DENND5B: variants seen among roughly 807,000 people sequenced by gnomAD.
The protein encoded by DENND5B is DENN domain-containing protein 5B.
A neutral mutation model predicts 140.6 loss-of-function variants in DENND5B; 34 were observed. The observed-to-expected ratio is 0.24, with a 90% CI of 0.18 to 0.32. DENND5B has a LOEUF of 0.32. Among genes scored for constraint, DENND5B ranks in the 10% least tolerant of loss-of-function variants. DENND5B has a pLI of 1.00. For synonymous variants in DENND5B, 551 were observed against 562.1 expected (o/e 0.98, Z 0.28); for missense variants, 1,142 against 1,560.2 (o/e 0.73, Z 4.52).
chr12:31,555,082 T>C (rs886368646), intron 1 of DENND5B, among the ~76,000 whole-genome samples: 2 of 152,254 alleles, frequency 1.3e-5, no homozygotes, highest in African/African-American at 4.8e-5. Context: ...TGTCCAGCTT[T>C]GTTCCGTTGC....
intron 3 of DENND5B, among the ~76,000 whole-genome samples, chr12:31,463,348 G>A (rs1269414918): frequency 1.3e-5 from 2 of 152,122 alleles, no homozygotes; most frequent in African/African-American, 4.8e-5. Context: ...TACAGTTATA[G>A]ACTATGAAGA....
intron 1 of DENND5B, chr12:31,590,070 A>C (rs1008728891): frequency 1.3e-5 from 2 of 152,298 alleles, no homozygotes; most frequent in Non-Finnish European, 2.9e-5. Flanking sequence ...CGAGCGTCCA[A>C]AGGTCCCTGC....
intron 7 of DENND5B, among the ~76,000 whole-genome samples, chr12:31,438,355 A>G (rs1943872191): frequency 1.3e-5 from 2 of 152,190 alleles, no homozygotes; most frequent in African/African-American, 4.8e-5. Context: ...ATCCTCATGA[A>G]ATGTATTCAT....
At chr12:31,409,172 G>T in intron 14 of DENND5B, 91 bp downstream of exon 14, 1 of 1,329,006 alleles carries the variant, frequency 7.5e-7, no homozygotes, top group Non-Finnish European at 1.0e-6. Flanking sequence ...AATGTCACAT[G>T]TACTATGGCA....
intron 19 of DENND5B, among the ~76,000 whole-genome samples, chr12:31,389,999 A>G (rs972368047): frequency 1.3e-5 from 2 of 152,064 alleles, no homozygotes; most frequent in Non-Finnish European, 2.9e-5. Context: ...GCATTCCAGA[A>G]GAAAAAAAAA....
chr12:31,561,005 ATC>A (rs1307224528), intron 1 of DENND5B, among the ~76,000 whole-genome samples: 2 of 152,166 alleles, frequency 1.3e-5, no homozygotes, highest in African/African-American at 2.4e-5. Context: ...AAGTACTAAG[ATC>A]AGAGGGAGTA....
At chr12:31,538,145 C>A (rs2126897) in intron 1 of DENND5B, among the ~76,000 whole-genome samples, 20,430 of 152,124 alleles carry the variant, frequency 0.13, 1,619 homozygotes, top group Non-Finnish European at 0.18. Context: ...ACCAAATGGA[C>A]CTAATCAGAC....
intron 7 of DENND5B, among the ~76,000 whole-genome samples, chr12:31,440,889 C>T (rs182210988): frequency 6.6e-6 from 1 of 152,326 alleles, no homozygotes; most frequent in African/African-American, 2.4e-5. Context: ...GCATGCACCA[C>T]CACACCCAGC....
rs188529154 is a variant in DENND5B at position 31,575,003 on chromosome 12, C to T, written c.127+15703G>A. On this transcript the variant is annotated intron_variant, in intron 1 of 20. Transcript: ENST00000389082. ...AAATCACAGTCATTGTTCTGGTGAA[C>T]AATGGCACAAAACAAGTTAAGTCCA... Among the ~76,000 whole-genome samples the T allele has an allele frequency of 2.0e-5, 3 of 152,212 alleles. No homozygotes were observed. The East Asian group carries it at 5.8e-4, about 29-fold the overall frequency.
chr12:31,402,280 T>C (rs543248478), intron 15 of DENND5B, among the ~76,000 whole-genome samples: 1 of 152,150 alleles, frequency 6.6e-6, no homozygotes, highest in South Asian at 2.1e-4. Context: ...AAGCACATCA[T>C]TACAAGTGAA....
intron 1 of DENND5B, among the ~76,000 whole-genome samples, chr12:31,498,741 G>A (rs1166682290): frequency 6.6e-6 from 1 of 152,096 alleles, no homozygotes; most frequent in Admixed American, 6.5e-5. Flanking sequence ...GGGAGGCTGA[G>A]GCAGGTGGAT....
At chr12:31,462,849 C>T (rs1284917437) in intron 3 of DENND5B, among the ~76,000 whole-genome samples, 2 of 152,126 alleles carry the variant, frequency 1.3e-5, no homozygotes, top group Non-Finnish European at 1.5e-5. Context: ...ATCCCAGTTA[C>T]TTGGGAGGCT....
chr12:31,548,304 G>C (rs1948928161), intron 1 of DENND5B, among the ~76,000 whole-genome samples: 1 of 151,864 alleles, frequency 6.6e-6, no homozygotes, highest in Non-Finnish European at 1.5e-5. Context: ...CTGAGGTATA[G>C]GATCACCTGA....
chr12:31,439,929 C>CAAAAAAAAAAAAAA (rs67272470), intron 7 of DENND5B, among the ~76,000 whole-genome samples: 2 of 52,294 alleles, frequency 3.8e-5, no homozygotes, highest in Non-Finnish European at 6.1e-5. Flanking sequence ...GACTCCGTCT[C>CAAAAAAAAAAAAAA]AAAAAAAAAA....
chr12:31,449,115 T>C (rs1944400334), intron 5 of DENND5B, among the ~76,000 whole-genome samples: 2 of 152,200 alleles, frequency 1.3e-5, no homozygotes, highest in African/African-American at 4.8e-5. Context: ...TTTTGGTTGC[T>C]GGGTTGGTTT....
intron 14 of DENND5B, among the ~76,000 whole-genome samples, chr12:31,403,949 G>C (rs1442276204): frequency 1.3e-5 from 2 of 149,382 alleles, no homozygotes; most frequent in Non-Finnish European, 3.0e-5. Context: ...AGGCACGGGG[G>C]CTCATGTCTG....
At chr12:31,501,686 T>C (rs993210451) in intron 1 of DENND5B, among the ~76,000 whole-genome samples, 12 of 150,996 alleles carry the variant, frequency 7.9e-5, no homozygotes, top group African/African-American at 2.7e-4. Context: ...GGCAGAAGAA[T>C]TGCCTGAACC....
In DENND5B at chr12:31,481,317, T is replaced by C. The variant is rs565996708; in HGVS notation, c.238-1062A>G. Among the ~76,000 whole-genome samples the C allele has an allele frequency of 2.6e-5, 4 of 152,330 alleles. No individual in the cohort carries two copies. The South Asian group carries it at 6.2e-4, about 24-fold the overall frequency. On this transcript the variant is annotated intron_variant, in intron 2 of 20. Transcript: ENST00000389082. ...AAACCGTCAAAAAACATTTATTAAG[T>C]GCCTTTTATGAGAGGGGCCCTATGA...
chr12:31,564,201 T>C (rs1949558664), intron 1 of DENND5B, among the ~76,000 whole-genome samples: 2 of 152,296 alleles, frequency 1.3e-5, no homozygotes, highest in African/African-American at 4.8e-5. Context: ...TATATACACA[T>C]TAAAGCATAA....
Sources: gnomAD v4.1 joint callset for allele counts (sites outside exome capture counted in the v4.1 genomes callset) on GRCh38, gnomAD v4.1.1 for gene constraint, MANE v1.5 for transcripts, NCBI Gene and HGNC (gene_info 2026-07-23, HGNC 2026-07-21) for gene names.